Variants in PRUNE2 observed in about 807,000 individuals in gnomAD.
PRUNE2 encodes protein prune homolog 2.
Under a neutral mutation model 252.0 loss-of-function variants are expected in PRUNE2, and 164 were observed. The ratio of observed to expected loss-of-function variants is 0.65; its 90% CI spans 0.57 to 0.74. The LOEUF (loss-of-function observed/expected upper bound fraction) is 0.74. PRUNE2 is among the 30% of genes least tolerant of loss of function. PRUNE2 has a pLI of 0.00. For synonymous variants in PRUNE2, 1,292 were observed against 1,350.2 expected (o/e 0.96, Z 0.94); for missense variants, 3,495 against 3,711.0 (o/e 0.94, Z 1.51).
chr9:76,872,575 A>T (rs2133103681), intron 1 of PRUNE2, among the ~76,000 whole-genome samples: 1 of 150,896 alleles, frequency 6.6e-6, no homozygotes, highest in African/African-American at 2.4e-5. Flanking sequence ...AGTTAAAAAA[A>T]CAATTTTACA....
intron 4 of PRUNE2, among the ~76,000 whole-genome samples, chr9:76,841,478 C>G (rs2059393090): frequency 6.6e-6 from 1 of 152,188 alleles, no homozygotes; most frequent in African/African-American, 2.4e-5. Context: ...ACTGTTCACT[C>G]CCCTGGAAAG....
At chr9:76,868,250 T>A (rs938335991) in intron 1 of PRUNE2, among the ~76,000 whole-genome samples, 3 of 152,090 alleles carry the variant, frequency 2.0e-5, no homozygotes. Context: ...GAGAAAAACA[T>A]CCAAAATAAC....
chr9:76,876,155 G>A (rs1175896989), intron 1 of PRUNE2, among the ~76,000 whole-genome samples: 2 of 152,180 alleles, frequency 1.3e-5, no homozygotes, highest in Non-Finnish European at 2.9e-5. Context: ...TAGACACAGA[G>A]GAACCGTCTT....
chr9:76,880,130 G>T (rs544592291), intron 1 of PRUNE2, among the ~76,000 whole-genome samples: 4 of 151,592 alleles, frequency 2.6e-5, no homozygotes, highest in Non-Finnish European at 5.9e-5. Flanking sequence ...AGCCAGGATG[G>T]TCTCGATCTC....
chr9:76,872,600 AACACACACACACACAC>A lies in PRUNE2; in HGVS notation c.37-18408_37-18393del, dbSNP rs71354690. 2.9e-3 allele frequency among the ~76,000 whole-genome samples: 399 copies of A among 139,364 alleles called. 1 individual carries two copies. Among genetic ancestry groups the A allele is most frequent in the African/African-American group, 0.01 (376 of 37,362 alleles). The allele number at this position is 139,364 out of a possible 152,430, so 91.4% of individuals were successfully genotyped here. ...ACAATTTTACATGATGATTATGGAA[AACACACACACACACAC>A]ACACACACACACACACACACACACA... is the stretch of plus-strand genomic sequence containing the variant. On this transcript the variant is annotated intron_variant, in intron 1 of 18. Coordinates refer to ENST00000376718, the MANE Select transcript of PRUNE2 (RefSeq NM_015225.3).
At chr9:76,844,183 T>G (rs546505408) in intron 4 of PRUNE2, among the ~76,000 whole-genome samples, 2 of 152,212 alleles carry the variant, frequency 1.3e-5, no homozygotes, top group Non-Finnish European at 2.9e-5. Context: ...ATGGTTTGGA[T>G]GTGTGTCCCC....
rs41288769 is a variant in PRUNE2, at chr9:76,705,533, G to A, written c.6741C>T (p.Asp2247=). 8.6e-5 allele frequency: 139 copies of A among 1,614,004 alleles called. No individual in the cohort carries two copies. Among genetic ancestry groups the A allele is most frequent in the Non-Finnish European group, 1.1e-4 (129 of 1,179,882 alleles). The change falls in exon 8 of 19, where the codon GAC becomes GAT. Residue 2247 remains aspartate, a synonymous_variant. Coordinates refer to ENST00000376718, the MANE Select transcript of PRUNE2 (RefSeq NM_015225.3). ...AAAAGCTGTCTGATATCCAAGAACCGTCACCTTCTGGAGTTGGCTCTTGGT... is the reference window on the plus strand; with the variant it reads ...AAAAGCTGTCTGATATCCAAGAACCATCACCTTCTGGAGTTGGCTCTTGGT... ...VTHQEPTPEG[D]GSWISDSFSP...
intron 1 of PRUNE2, among the ~76,000 whole-genome samples, chr9:76,887,249 C>T (rs1256255303): frequency 6.6e-6 from 1 of 152,092 alleles, no homozygotes; most frequent in Admixed American, 6.6e-5. Context: ...CCCTGCTCAA[C>T]CCTCATCTGA....
Position 76,612,224 on chromosome 9 carries a change from T to A in PRUNE2, c.*2346A>T, listed in dbSNP as rs759429195. Reference sequence around the variant, plus strand: ...AATCATTGGGACAAATGCCCATAATTTTCATGTAGGAAGATGAGGCTTCAA... The same window carrying A: ...AATCATTGGGACAAATGCCCATAATATTCATGTAGGAAGATGAGGCTTCAA... On this transcript the variant is annotated 3_prime_UTR_variant, in exon 19 of 19. Coordinates refer to ENST00000376718, the MANE Select transcript of PRUNE2 (RefSeq NM_015225.3). 6.6e-6 allele frequency: 1 copy of A among 152,206 alleles called. No homozygotes were observed. The allele number at this position is 152,206 out of a possible 1,614,324, so 9.4% of individuals were successfully genotyped here.
At chr9:76,845,367 C>A (rs1392790611) in intron 4 of PRUNE2, among the ~76,000 whole-genome samples, 1 of 152,216 alleles carries the variant, frequency 6.6e-6, no homozygotes, top group Non-Finnish European at 1.5e-5. Flanking sequence ...CTGCACCACA[C>A]ATTTGTGCTG....
Position 76,711,178 on chromosome 9 carries a change from T to C in PRUNE2, c.1096A>G (p.Thr366Ala). 1 of 1,614,006 alleles carries C rather than the reference T, an allele frequency of 6.2e-7. No individual in the cohort carries two copies. Among genetic ancestry groups the C allele is most frequent in the Non-Finnish European group, 8.5e-7 (1 of 1,179,892 alleles). Residue 366 changes from threonine (T) to alanine (A), a missense_variant, in exon 8 of 19, where the codon ACA (threonine) becomes GCA (alanine). Transcript: ENST00000376718. Reference protein sequence around the residue: ...RCPEMVSNSRTSSTEAVAGSA... With the variant: ...RCPEMVSNSRASSTEAVAGSA... ...CCTGCCACGGCTTCTGTTGAGGATG[T>C]CCGGCTATTGGAGACCATCTCTGGA...
At chr9:76,875,157 T>C (rs2061409618) in intron 1 of PRUNE2, among the ~76,000 whole-genome samples, 1 of 152,094 alleles carries the variant, frequency 6.6e-6, no homozygotes, top group Non-Finnish European at 1.5e-5. Context: ...TAGACGTCCC[T>C]TCCCCATTGT....
At chr9:76,700,874 G>C (rs1174674161) in intron 9 of PRUNE2, among the ~76,000 whole-genome samples, 1 of 152,168 alleles carries the variant, frequency 6.6e-6, no homozygotes, top group East Asian at 1.9e-4. Context: ...AAGTGAAATA[G>C]CGCAGAGTGC....
At chr9:76,765,366 A>G (rs13295396) in intron 6 of PRUNE2, among the ~76,000 whole-genome samples, 1 of 152,204 alleles carries the variant, frequency 6.6e-6, no homozygotes, top group Admixed American at 6.5e-5. Flanking sequence ...AAAGATAAGA[A>G]TAGGTAAATA....
chr9:76,756,498 C>A (rs550801774), intron 6 of PRUNE2, among the ~76,000 whole-genome samples: 5 of 152,246 alleles, frequency 3.3e-5, no homozygotes, highest in Admixed American at 2.0e-4. Context: ...AGGAACCAGG[C>A]GCTGGCTTTC....
chr9:76,833,593 G>A (rs1017134920), intron 4 of PRUNE2, among the ~76,000 whole-genome samples: 1 of 151,496 alleles, frequency 6.6e-6, no homozygotes, highest in African/African-American at 2.4e-5. Flanking sequence ...GTGAAACCCC[G>A]TCTCTACTTA....
intron 1 of PRUNE2, among the ~76,000 whole-genome samples, chr9:76,891,488 TC>T (rs1390930407): frequency 1.3e-5 from 2 of 152,188 alleles, no homozygotes; most frequent in African/African-American, 4.8e-5. Flanking sequence ...TCAGCATGTT[TC>T]CACCAGTGAC....
chr9:76,777,647 T>G (rs1413649741), intron 6 of PRUNE2, among the ~76,000 whole-genome samples: 5 of 152,236 alleles, frequency 3.3e-5, no homozygotes, highest in African/African-American at 1.2e-4. Flanking sequence ...AAGTCACATT[T>G]CAATGCTGGT....
chr9:76,771,211 A>G (rs2053066418), intron 6 of PRUNE2, among the ~76,000 whole-genome samples: 1 of 152,186 alleles, frequency 6.6e-6, no homozygotes, highest in Non-Finnish European at 1.5e-5. Context: ...AATTTTGATA[A>G]CTGGTGATCA....
Sources: gnomAD v4.1 joint callset for allele counts (sites outside exome capture counted in the v4.1 genomes callset) on GRCh38, gnomAD v4.1.1 for gene constraint, MANE v1.5 for transcripts, NCBI Gene and HGNC (gene_info 2026-07-23, HGNC 2026-07-21) for gene names.